Variants in PRKCH observed in about 807,000 individuals in gnomAD.
PRKCH encodes protein kinase C eta type.
PRKCH carries 28 observed loss-of-function variants against 82.5 expected under a neutral mutation model. The observed-to-expected ratio is 0.34, with a 90% CI of 0.25 to 0.47. PRKCH has a LOEUF of 0.47. Among genes scored for constraint, PRKCH ranks in the 20% least tolerant of loss-of-function variants. The pLI, the probability that PRKCH is intolerant of heterozygous loss-of-function variation, is 1.00. For missense variants in PRKCH, 705 were observed against 881.8 expected, an observed-to-expected ratio of 0.80 and a Z score of 2.54; for synonymous variants, 322 against 327.4, an observed-to-expected ratio of 0.98 and a Z score of 0.18.
At chr14:61,262,080 G>T (rs896255273) in intron 1 of PRKCH, among the ~76,000 whole-genome samples, 3 of 151,888 alleles carry the variant, frequency 2.0e-5, no homozygotes, top group African/African-American at 2.4e-5. Context: ...AATTAGCTGG[G>T]CGTAGTGGTG....
At chr14:61,242,923 G>A (rs2044851647) in intron 1 of PRKCH, among the ~76,000 whole-genome samples, 5 of 152,118 alleles carry the variant, frequency 3.3e-5, no homozygotes, top group Admixed American at 3.3e-4. Context: ...GCTAGGTATT[G>A]AGAATGCAGC....
intron 1 of PRKCH, among the ~76,000 whole-genome samples, chr14:61,217,497 TTC>T (rs1162593171): frequency 6.6e-6 from 1 of 152,018 alleles, no homozygotes; most frequent in African/African-American, 2.4e-5. Context: ...CTAGTTCTTC[TTC>T]TGAGTCTCCA....
chr14:61,401,680 G>A (rs1337065376), intron 2 of PRKCH, among the ~76,000 whole-genome samples: 1 of 152,132 alleles, frequency 6.6e-6, no homozygotes, highest in African/African-American at 2.4e-5. Flanking sequence ...TGTCTTTGAT[G>A]GAACAGTAAA....
At chr14:61,296,294 G>A (rs2045405520) in intron 1 of PRKCH, among the ~76,000 whole-genome samples, 1 of 152,188 alleles carries the variant, frequency 6.6e-6, no homozygotes, top group South Asian at 2.1e-4. Flanking sequence ...ACAGAGCTAT[G>A]AGGCATTGTT....
At chr14:61,217,724 A>T (rs1394864830) in intron 1 of PRKCH, among the ~76,000 whole-genome samples, 2 of 152,214 alleles carry the variant, frequency 1.3e-5, no homozygotes, top group Non-Finnish European at 2.9e-5. Context: ...TTATTCTGGC[A>T]TTTGAAAGAA....
At position 61,370,364 on chromosome 14, in the gene PRKCH, G is replaced by T. The variant is rs191137825; in HGVS notation, c.364-20861G>T. 7.2e-5 allele frequency among the ~76,000 whole-genome samples: 11 copies of T among 152,244 alleles called. No individual in the cohort carries two copies. The East Asian group carries it at 1.7e-3, about 24-fold the overall frequency. On this transcript the variant is annotated intron_variant, in intron 1 of 13. Coordinates refer to ENST00000332981, the MANE Select transcript of PRKCH (RefSeq NM_006255.5). ...ACAGTGAAGGCAAACTACAGTGGTT[G>T]CCCAACTTTACTGGAGTCACCTGGA...
At chr14:61,444,393 G>C (rs561876102) in intron 3 of PRKCH, among the ~76,000 whole-genome samples, 1 of 150,660 alleles carries the variant, frequency 6.6e-6, no homozygotes, top group Non-Finnish European at 1.5e-5. Flanking sequence ...GTGACCTAAG[G>C]GTGCTTGCCT....
chr14:61,474,956 G>A (rs1885666092), intron 9 of PRKCH, among the ~76,000 whole-genome samples: 1 of 152,188 alleles, frequency 6.6e-6, no homozygotes, highest in South Asian at 2.1e-4. Context: ...GGCAGATATG[G>A]CATATTCTTG....
chr14:61,397,140 A>G (rs1342664568), intron 2 of PRKCH, among the ~76,000 whole-genome samples: 1 of 152,080 alleles, frequency 6.6e-6, no homozygotes, highest in East Asian at 1.9e-4. Flanking sequence ...ATTAGGTTGG[A>G]ATATGTAGGG....
At chr14:61,205,747 C>A (rs1225388521) in intron 1 of PRKCH, among the ~76,000 whole-genome samples, 1 of 152,174 alleles carries the variant, frequency 6.6e-6, no homozygotes, top group Non-Finnish European at 1.5e-5. Context: ...AGGCAACAAG[C>A]TAACTAGGAA....
intron 1 of PRKCH, among the ~76,000 whole-genome samples, chr14:61,340,612 A>G (rs534218343): frequency 6.6e-6 from 1 of 152,294 alleles, no homozygotes; most frequent in African/African-American, 2.4e-5. Flanking sequence ...GTAGACTGTG[A>G]GAGAGGAGGA....
intron 1 of PRKCH, among the ~76,000 whole-genome samples, chr14:61,377,724 G>A (rs750417109): frequency 6.6e-6 from 1 of 152,096 alleles, no homozygotes; most frequent in South Asian, 2.1e-4. Context: ...GGATACCCAG[G>A]CCCCAAACTC....
Position 61,485,571 on chromosome 14 carries a change from C to T in PRKCH, c.1348C>T (p.Arg450Cys), listed in dbSNP as rs757643373. 14 of 1,614,004 alleles carry T rather than the reference C, an allele frequency of 8.7e-6. No homozygotes were observed. Among genetic ancestry groups the T allele is most frequent in the South Asian group, 1.1e-5 (1 of 91,076 alleles). ...GATGTTCCACATTCAGAAGTCTCGT[C>T]GTTTTGATGAAGCACGAGCTCGCTT... is the stretch of plus-strand genomic sequence containing the variant. ...DLMFHIQKSR[R>C]FDEARARFYA... Residue 450 changes from arginine (R) to cysteine (C), a missense_variant, in exon 10 of 14, where the codon CGT (arginine) becomes TGT (cysteine). Transcript: ENST00000332981.
At chr14:61,510,516 G>A (rs1478442747) in intron 10 of PRKCH, among the ~76,000 whole-genome samples, 1 of 152,164 alleles carries the variant, frequency 6.6e-6, no homozygotes, top group Non-Finnish European at 1.5e-5. Flanking sequence ...GAGATTTCCA[G>A]TGAAGGAGCT....
rs1375735971 is a variant in PRKCH, at chr14:61,205,474, G to C, written c.-19+17806G>C. Among the ~76,000 whole-genome samples the C allele has an allele frequency of 3.9e-5, 6 of 152,166 alleles. No individual in the cohort carries two copies. The East Asian group carries it at 1.2e-3, about 29-fold the overall frequency. On this transcript the variant is annotated intron_variant, in intron 1 of 3. Transcript: ENST00000555185. ...CCTTGGAAGCCCCATTACCACTCCT[G>C]GGCTTCCAGGGGAGAGGCAAGGAAG...
At chr14:61,193,167 C>A (rs774866061) in intron 1 of PRKCH, among the ~76,000 whole-genome samples, 7 of 152,072 alleles carry the variant, frequency 4.6e-5, no homozygotes, top group East Asian at 3.9e-4. Flanking sequence ...GATGAAAAGA[C>A]CTAAAGGGTG....
chr14:61,386,173 G>T (rs898173541), intron 1 of PRKCH, among the ~76,000 whole-genome samples: 13 of 152,210 alleles, frequency 8.5e-5, no homozygotes, highest in African/African-American at 3.1e-4. Context: ...AGAATTAAGA[G>T]ATGGGGATAC....
chr14:61,441,775 C>A (rs1477326867), intron 2 of PRKCH, among the ~76,000 whole-genome samples: 1 of 141,006 alleles, frequency 7.1e-6, no homozygotes, highest in African/African-American at 2.7e-5. Flanking sequence ...TCTTAAATTG[C>A]AAATCTGTGA....
At chr14:61,430,218 T>A (rs1053467970) in intron 2 of PRKCH, among the ~76,000 whole-genome samples, 1 of 152,200 alleles carries the variant, frequency 6.6e-6, no homozygotes, top group African/African-American at 2.4e-5. Context: ...CATAGAAACA[T>A]GCTCAGCAAT....
Sources: allele counts gnomAD v4.1 joint callset (sites outside exome capture counted in the v4.1 genomes callset), GRCh38; gene constraint gnomAD v4.1.1; transcripts MANE v1.5; gene names NCBI Gene and HGNC (gene_info 2026-07-23, HGNC 2026-07-21).